SOX6: variants seen among roughly 807,000 people sequenced by gnomAD.
SOX6 encodes the protein SRY-box transcription factor 6.
In SOX6, 11 loss-of-function variants were observed where a neutral mutation model predicts 97.8. The ratio of observed to expected loss-of-function variants is 0.11; its 90% CI spans 0.07 to 0.19. The LOEUF is 0.19. Among genes scored for constraint, SOX6 ranks in the 10% least tolerant of loss-of-function variants. The pLI is 1.00. For synonymous variants in SOX6, 360 were observed against 371.4 expected (o/e 0.97, Z 0.35); for missense variants, 810 against 1,039.5 (o/e 0.78, Z 3.04).
chr11:16,612,024 G>C (rs1167797293), intron 4 of SOX6: 1 of 152,600 alleles, frequency 6.6e-6, no homozygotes, highest in Non-Finnish European at 1.5e-5. Flanking sequence ...GCAAAGCCAG[G>C]CTAGGGAGTG....
intron 7 of SOX6, among the ~76,000 whole-genome samples, chr11:16,099,553 C>T (rs1458020309): frequency 6.6e-6 from 1 of 151,640 alleles, no homozygotes; most frequent in Admixed American, 6.6e-5. Context: ...TAACTCTAAA[C>T]CACAACCCCC....
intron 9 of SOX6, among the ~76,000 whole-genome samples, chr11:16,070,832 C>T (rs1848206420): frequency 6.6e-6 from 1 of 152,168 alleles, no homozygotes; most frequent in South Asian, 2.1e-4. Flanking sequence ...GGAGAATCCT[C>T]CTAACCCCCT....
intron 1 of SOX6, 117 bp from the exon 2 acceptor site, chr11:16,341,369 T>G: frequency 1.4e-6 from 2 of 1,421,420 alleles, no homozygotes; most frequent in South Asian, 1.4e-5. Context: ...GAGATATTTG[T>G]GGTCCACTCT....
chr11:16,360,966 G>A, upstream of SOX6, among the ~76,000 whole-genome samples: 1 of 150,752 alleles, frequency 6.6e-6, no homozygotes, highest in Admixed American at 6.6e-5. Context: ...TCACACCACT[G>A]CACTCCAGTC....
chr11:16,292,973 G>T (rs987651185), intron 3 of SOX6, among the ~76,000 whole-genome samples: 4 of 152,010 alleles, frequency 2.6e-5, no homozygotes, highest in Admixed American at 2.0e-4. Flanking sequence ...CATTTAAACC[G>T]CTTAATCTCA....
intron 1 of SOX6, among the ~76,000 whole-genome samples, chr11:16,383,390 T>C (rs931531846): frequency 3.9e-5 from 6 of 151,980 alleles, no homozygotes; most frequent in African/African-American, 1.4e-4. Context: ...AGAATCTATT[T>C]ACTCTTACTT....
chr11:16,556,887 G>T (rs1301234936), intron 4 of SOX6, among the ~76,000 whole-genome samples: 1 of 151,686 alleles, frequency 6.6e-6, no homozygotes, highest in Non-Finnish European at 1.5e-5. Context: ...ATACCTCTGA[G>T]ATCAAGTTAA....
intron 6 of SOX6, among the ~76,000 whole-genome samples, chr11:16,141,650 C>T (rs939958267): frequency 3.3e-5 from 5 of 152,174 alleles, no homozygotes; most frequent in Non-Finnish European, 5.9e-5. Flanking sequence ...CCTGGAAAAT[C>T]GGGTCACTCC....
intron 4 of SOX6, among the ~76,000 whole-genome samples, chr11:16,523,968 C>A (rs551257024): frequency 1.3e-5 from 2 of 152,124 alleles, no homozygotes; most frequent in African/African-American, 2.4e-5. Context: ...CCATAACAGG[C>A]TCTGAAATTG....
chr11:16,154,553 C>T (rs886375417), intron 6 of SOX6, among the ~76,000 whole-genome samples: 2 of 152,024 alleles, frequency 1.3e-5, no homozygotes, highest in Non-Finnish European at 2.9e-5. Context: ...AACCCTCAGC[C>T]AGATCTTTTC....
intron 13 of SOX6, among the ~76,000 whole-genome samples, chr11:16,008,756 T>C (rs939471251): frequency 5.9e-5 from 9 of 152,252 alleles, no homozygotes; most frequent in South Asian, 2.1e-4. Flanking sequence ...GCACTTTATA[T>C]ATAGTGCTGA....
At chr11:16,715,167 G>A (rs1276661531) in intron 2 of SOX6, among the ~76,000 whole-genome samples, 1 of 152,132 alleles carries the variant, frequency 6.6e-6, no homozygotes, top group African/African-American at 2.4e-5. Context: ...CTAGAAATAT[G>A]ACTAGCCTTA....
chr11:16,085,939 G>T (rs1215190307), intron 9 of SOX6, among the ~76,000 whole-genome samples: 1 of 152,128 alleles, frequency 6.6e-6, no homozygotes, highest in Non-Finnish European at 1.5e-5. Context: ...TGTGATAAAG[G>T]GAAACAGTAA....
At chr11:16,030,752 A>G (rs566209052) in intron 12 of SOX6, among the ~76,000 whole-genome samples, 19 of 152,230 alleles carry the variant, frequency 1.2e-4, no homozygotes, top group African/African-American at 4.1e-4. Context: ...TGCTTGAAAT[A>G]GACTTCACTT....
At chr11:16,165,244 T>C (rs936492189) in intron 6 of SOX6, among the ~76,000 whole-genome samples, 1 of 152,204 alleles carries the variant, frequency 6.6e-6, no homozygotes, top group African/African-American at 2.4e-5. Context: ...ACAAAGCTCA[T>C]TAAAATTTTA....
At chr11:16,561,256 CTG>C (rs1317355979) in intron 4 of SOX6, among the ~76,000 whole-genome samples, 2 of 152,122 alleles carry the variant, frequency 1.3e-5, no homozygotes, top group East Asian at 3.9e-4. Flanking sequence ...ATCTACCCTC[CTG>C]ATGGAGGGTA....
At chr11:16,216,558 G>A (rs563190972) in intron 4 of SOX6, among the ~76,000 whole-genome samples, 1 of 151,540 alleles carries the variant, frequency 6.6e-6, no homozygotes, top group Non-Finnish European at 1.5e-5. Context: ...ATATAATACA[G>A]AGAGTCTCTT....
At chr11:16,480,987 T>G (rs917095486), upstream of SOX6, among the ~76,000 whole-genome samples, 1 of 152,172 alleles carries the variant, frequency 6.6e-6, no homozygotes, top group African/African-American at 2.4e-5. Flanking sequence ...CGATGCCTGG[T>G]CTTTTATATA....
At chr11:16,409,302 A>G (rs1470369945) in intron 1 of SOX6, among the ~76,000 whole-genome samples, 1 of 151,818 alleles carries the variant, frequency 6.6e-6, no homozygotes. Context: ...AAAAAAAAAA[A>G]ACAGGCAGAG....
Sources: allele counts gnomAD v4.1 joint callset (sites outside exome capture counted in the v4.1 genomes callset), GRCh38; gene constraint gnomAD v4.1.1; transcripts MANE v1.5; gene names NCBI Gene and HGNC (gene_info 2026-07-23, HGNC 2026-07-21).